Variants in IL1RAPL2 observed in about 807,000 individuals in gnomAD.
IL1RAPL2 encodes the protein X-linked interleukin-1 receptor accessory protein-like 2.
In IL1RAPL2, 3 loss-of-function variants were observed where a neutral mutation model predicts 44.1. The observed-to-expected ratio is 0.07, with a 90% CI of 0.03 to 0.18. The LOEUF is 0.18. Ranked by LOEUF, IL1RAPL2 falls within the 10% of genes least tolerant of loss-of-function variation. IL1RAPL2 has a pLI of 1.00. For missense variants in IL1RAPL2, 391 were observed against 496.4 expected (o/e 0.79, Z 2.02); for synonymous variants, 181 against 178.8 (o/e 1.01, Z -0.10).
chrX:105,075,360 G>A (rs2032278643), intron 2 of IL1RAPL2, among the ~76,000 whole-genome samples: 2 of 111,696 alleles, frequency 1.8e-5, no homozygotes, highest in South Asian at 7.5e-4. Context: ...TTTTGCATAT[G>A]TTGAACCAGC....
chrX:104,675,689 G>T (rs1344420047), intron 2 of IL1RAPL2, among the ~76,000 whole-genome samples: 1 of 110,688 alleles, frequency 9.0e-6, no homozygotes, highest in East Asian at 2.8e-4. Flanking sequence ...GTCTAATGTT[G>T]ACAGTGGGGT....
chrX:105,205,496 A>G (rs782765650), intron 3 of IL1RAPL2, among the ~76,000 whole-genome samples: 2 of 101,548 alleles, frequency 2.0e-5, no homozygotes, highest in East Asian at 6.6e-4. Flanking sequence ...AAGCTGAAGC[A>G]AGAGAATCGC....
intron 1 of IL1RAPL2, among the ~76,000 whole-genome samples, chrX:104,615,085 T>C (rs1398583357): frequency 8.9e-6 from 1 of 111,914 alleles, no homozygotes; most frequent in Non-Finnish European, 1.9e-5. Flanking sequence ...GTCTGTGGGC[T>C]ATGTACTCAA....
chrX:104,921,387 A>G lies in IL1RAPL2; in HGVS notation c.82+262392A>G, dbSNP rs1241751677. On this transcript the variant is annotated intron_variant, in intron 2 of 10. Transcript: ENST00000372582. ...CATGGGGCTGAGGTACAGCCAAAGC[A>G]TGAAATCCCACATCTGCTAAACCCT... Among the ~76,000 whole-genome samples, 6 of 111,939 alleles carry G rather than the reference A, an allele frequency of 5.4e-5. No homozygotes were observed. In the East Asian group the frequency reaches 1.7e-3, roughly 32 times the overall value.
At chrX:105,477,843 A>G (rs754984698) in intron 5 of IL1RAPL2, among the ~76,000 whole-genome samples, 1 of 112,269 alleles carries the variant, frequency 8.9e-6, no homozygotes, top group Non-Finnish European at 1.9e-5. Flanking sequence ...TCATGAGCTT[A>G]GGTGATTTGG....
intron 5 of IL1RAPL2, among the ~76,000 whole-genome samples, chrX:105,350,774 T>C (rs1200528672): frequency 9.0e-6 from 1 of 111,651 alleles, no homozygotes; most frequent in Non-Finnish European, 1.9e-5. Context: ...AATTGACAAA[T>C]GGGATCTAAT....
At chrX:105,618,556 G>C (rs1244885531) in intron 6 of IL1RAPL2, among the ~76,000 whole-genome samples, 1 of 111,617 alleles carries the variant, frequency 9.0e-6, no homozygotes, top group Non-Finnish European at 1.9e-5. Context: ...GGAGTTTAGA[G>C]TCAAAACAGA....
intron 2 of IL1RAPL2, among the ~76,000 whole-genome samples, chrX:104,710,310 G>A (rs1299368807): frequency 1.8e-5 from 2 of 111,189 alleles, no homozygotes; most frequent in African/African-American, 3.3e-5. Flanking sequence ...AGCCGTAAAA[G>A]GTAACGTACA....
intron 2 of IL1RAPL2, among the ~76,000 whole-genome samples, chrX:104,729,164 G>T (rs1233981458): frequency 2.7e-5 from 3 of 111,536 alleles, no homozygotes; most frequent in Admixed American, 9.6e-5. Context: ...AATAAAAAGA[G>T]TGATAAGTAA....
intron 2 of IL1RAPL2, among the ~76,000 whole-genome samples, chrX:104,897,075 G>A (rs1288653794): frequency 5.4e-5 from 6 of 111,837 alleles, no homozygotes; most frequent in African/African-American, 1.6e-4. Context: ...CCACAGCTTC[G>A]TTCTCGAAGT....
In IL1RAPL2 at chrX:105,696,419, C is replaced by A. The variant is rs1173146606; in HGVS notation, c.773-20948C>A. Among the ~76,000 whole-genome samples the A allele has an allele frequency of 7.2e-5, 8 of 111,181 alleles. No homozygotes were observed. The South Asian group carries it at 2.7e-3, about 37-fold the overall frequency. On this transcript the variant is annotated intron_variant, in intron 6 of 10. Transcript: ENST00000372582. ...TGCTATCTGAAGGGATGTGGTTGAT[C>A]TGGACTATGGTAAATAGCCAAGGAG...
At chrX:105,225,152 A>G (rs989659345) in intron 3 of IL1RAPL2, among the ~76,000 whole-genome samples, 3 of 112,149 alleles carry the variant, frequency 2.7e-5, no homozygotes, top group Non-Finnish European at 3.8e-5. Flanking sequence ...GCTCACCACT[A>G]GAATGATCCA....
intron 6 of IL1RAPL2, among the ~76,000 whole-genome samples, chrX:105,555,951 T>A (rs2036893417): frequency 8.9e-6 from 1 of 112,118 alleles, no homozygotes; most frequent in Non-Finnish European, 1.9e-5. Flanking sequence ...CATCTCTCAT[T>A]TGCATGTTGT....
At chrX:105,616,412 A>T (rs2037376764) in intron 6 of IL1RAPL2, among the ~76,000 whole-genome samples, 1 of 111,848 alleles carries the variant, frequency 8.9e-6, no homozygotes, top group Non-Finnish European at 1.9e-5. Context: ...AGTGGATGAG[A>T]ATTACAGTTG....
chrX:105,305,784 A>G (rs1167575265), intron 5 of IL1RAPL2, among the ~76,000 whole-genome samples: 2 of 111,863 alleles, frequency 1.8e-5, no homozygotes, highest in African/African-American at 6.5e-5. Context: ...GAAATATTTT[A>G]TAAGAGCTTA....
chrX:105,388,385 T>TTTTTTTTTTTTTTTTTTTTTTTTTTTTA (rs1556305849), intron 5 of IL1RAPL2, among the ~76,000 whole-genome samples: 1 of 96,683 alleles, frequency 1.0e-5, no homozygotes, highest in African/African-American at 3.9e-5. Context: ...TTTTTTTTTT[T>TTTTTTTTTTTTTTTTTTTTTTTTTTTTA]ACTAATGATG....
At chrX:104,942,133 T>A (rs1355720881) in intron 2 of IL1RAPL2, among the ~76,000 whole-genome samples, 1 of 112,093 alleles carries the variant, frequency 8.9e-6, no homozygotes, top group Non-Finnish European at 1.9e-5. Context: ...TCAGGTAGCA[T>A]GATGCCTCCA....
At chrX:104,581,983 C>G (rs1262386086) in intron 1 of IL1RAPL2, among the ~76,000 whole-genome samples, 1 of 111,593 alleles carries the variant, frequency 9.0e-6, no homozygotes, top group African/African-American at 3.3e-5. Context: ...TAAAAACTGC[C>G]CAAACTCTTT....
At chrX:105,021,329 C>G (rs892473571) in intron 2 of IL1RAPL2, among the ~76,000 whole-genome samples, 1 of 111,151 alleles carries the variant, frequency 9.0e-6, no homozygotes, top group Admixed American at 9.6e-5. Context: ...GAGGAATTGT[C>G]CTACATATTT....
Sources: gnomAD v4.1 joint callset for allele counts (sites outside exome capture counted in the v4.1 genomes callset) on GRCh38, gnomAD v4.1.1 for gene constraint, MANE v1.5 for transcripts, NCBI Gene and HGNC (gene_info 2026-07-23, HGNC 2026-07-21) for gene names.